The following CMTM5 variants were observed in gnomAD, a reference collection of about 807,000 sequenced individuals.
The protein encoded by CMTM5 is CKLF-like MARVEL transmembrane domain-containing protein 5.
CMTM5 carries 25 observed loss-of-function variants against 26.9 expected under a neutral mutation model. The ratio of observed to expected loss-of-function variants is 0.93; its 90% CI spans 0.68 to 1.30. CMTM5 has a LOEUF of 1.30. Among genes scored for constraint, CMTM5 ranks in the 50% most tolerant of loss-of-function variants. CMTM5 has a pLI of 0.00. For synonymous variants in CMTM5, 98 were observed against 115.5 expected (o/e 0.85, Z 0.97); for missense variants, 292 against 289.6 (o/e 1.01, Z -0.06).
Position 23,377,551 on chromosome 14 carries a change from TCCAC to T in CMTM5, c.126+177_126+180del. 6.3e-6 allele frequency: 4 copies of T among 638,032 alleles called. No homozygotes were observed. Among genetic ancestry groups the T allele is most frequent in the Non-Finnish European group, 9.9e-6 (4 of 405,982 alleles). The allele number at this position is 638,032 out of a possible 1,614,324, so 39.5% of individuals were successfully genotyped here. A position where few individuals can be genotyped will look rare whatever the true frequency, so the allele number is the denominator to read the frequency against. The stretch of plus-strand genomic sequence containing the variant: ...TCCTACTCTGCCTTCTTGCTGCCTC[TCCAC>T]CCGGAGACATTTACAGCAGGTTTCA... On this transcript the variant is annotated intron_variant, in intron 1 of 5. Transcript: ENST00000339180. This position sits in a 1 kb window ranked among gnomAD's most constrained non-coding sequence, Gnocchi z 4.6.
In CMTM5 at chr14:23,378,597, A is replaced by G; in HGVS notation, c.280-72A>G. ...TCCCCGAGCTTCTTTCCATTTCCAC[A>G]CCACAGCTGGGCTTTGTCCCATGCT... On this transcript the variant is annotated intron_variant, in intron 2 of 5. Transcript: ENST00000339180. The surrounding 1 kb of genome is among the most constrained non-coding windows in gnomAD (Gnocchi z 4.2). 4 of 1,605,968 alleles carry G rather than the reference A, an allele frequency of 2.5e-6. No individual in the cohort carries two copies. The highest frequency in any genetic ancestry group is 3.4e-6 in the Non-Finnish European group (4 of 1,173,692).
Position 23,377,086 on chromosome 14 carries a change from C to T in CMTM5, c.-166C>T, listed in dbSNP as rs1890588983. 1.1e-6 allele frequency: 1 copy of T among 912,064 alleles called. No individual in the cohort carries two copies. The highest frequency in any genetic ancestry group is 1.6e-6 in the Non-Finnish European group (1 of 612,682). The allele number at this position is 912,064 out of a possible 1,614,324, so 56.5% of individuals were successfully genotyped here. On this transcript the variant is annotated 5_prime_UTR_variant, in exon 1 of 6. Transcript: ENST00000339180. The surrounding 1 kb of genome is among the most constrained non-coding windows in gnomAD (Gnocchi z 4.6). Reference sequence around the variant, plus strand: ...GTGAGGGCCCATCTGGGCAAGGCCCCCAGCGCCTGCCTTCTCTCCCGGGGC... The same window carrying T: ...GTGAGGGCCCATCTGGGCAAGGCCCTCAGCGCCTGCCTTCTCTCCCGGGGC...
At position 23,379,370 on chromosome 14, in the gene CMTM5, C is replaced by G; in HGVS notation, c.645C>G (p.Pro215=). The change falls in exon 5 of 6, where the codon CCC becomes CCG. Residue 215 remains proline, a synonymous_variant. Transcript: ENST00000339180. ...AFKIYRTEMA[P]GASQGDQQ is the part of the protein sequence containing the mutation. ...AGATCTACCGGACTGAGATGGCACC[C>G]GGGGCCAGCCAGGGTGAGTGCCTGT... 1.9e-6 allele frequency: 3 copies of G among 1,614,146 alleles called. No individual in the cohort carries two copies. Among genetic ancestry groups the G allele is most frequent in the Non-Finnish European group, 2.5e-6 (3 of 1,180,018 alleles).
chr14:23,378,272 TC>T lies in CMTM5; in HGVS notation c.127-75del. On this transcript the variant is annotated intron_variant, in intron 1 of 5. Transcript: ENST00000339180. The surrounding 1 kb of genome is among the most constrained non-coding windows in gnomAD (Gnocchi z 4.2). The stretch of plus-strand genomic sequence containing the variant: ...TAGTAGGTGCCAGCCTAGGGGAGCT[TC>T]CAAGGAGGGGAAGGCAAAGCCCTGG... The T allele has an allele frequency of 6.5e-7, 1 of 1,540,302 alleles. No individual in the cohort carries two copies. The highest frequency in any genetic ancestry group is 8.8e-7 in the Non-Finnish European group (1 of 1,130,034).
In CMTM5 at chr14:23,377,223, A is replaced by G; in HGVS notation, c.-29A>G. On this transcript the variant is annotated 5_prime_UTR_variant, in exon 1 of 6. Coordinates refer to ENST00000339180, the MANE Select transcript of CMTM5 (RefSeq NM_001288746.2). The surrounding 1 kb of genome is among the most constrained non-coding windows in gnomAD (Gnocchi z 4.6). ...TTTCTCTTGCTGGGCTTTTGGCAGT[A>G]GGGGGCTGTGTTGGTGGGCCCTACG... is the stretch of plus-strand genomic sequence containing the variant. The G allele has an allele frequency of 6.2e-7, 1 of 1,607,728 alleles. No individual in the cohort carries two copies. Among genetic ancestry groups the G allele is most frequent in the Non-Finnish European group, 8.5e-7 (1 of 1,177,840 alleles).
rs1890586987 is a variant in CMTM5 at position 23,377,059 on chromosome 14, G to T, written c.-193G>T. 2 of 671,696 alleles carry T rather than the reference G, an allele frequency of 3.0e-6. No homozygotes were observed. The highest frequency in any genetic ancestry group is 4.9e-6 in the Non-Finnish European group (2 of 407,718). The allele number at this position is 671,696 out of a possible 1,614,324, so 41.6% of individuals were successfully genotyped here. On this transcript the variant is annotated 5_prime_UTR_variant, in exon 1 of 6. Transcript: ENST00000339180. This position sits in a 1 kb window ranked among gnomAD's most constrained non-coding sequence, Gnocchi z 4.6. ...AGCAGCAGAGGCACTCTGGGCAGCT[G>T]GGTGAGGGCCCATCTGGGCAAGGCC...
intron 5 of CMTM5, 37 bp from the exon 6 acceptor site, chr14:23,379,437 T>G (rs1420940144): frequency 6.2e-7 from 1 of 1,613,868 alleles, no homozygotes; most frequent in African/African-American, 1.3e-5. Flanking sequence ...TAGCTACCCA[T>G]CCTGATGTGG....
At position 23,379,630 on chromosome 14, in the gene CMTM5, G is replaced by C; in HGVS notation, c.*143G>C. On this transcript the variant is annotated 3_prime_UTR_variant, in exon 6 of 6. Transcript: ENST00000339180. ...CAGTCTGGCCTGAGACGTCACTGGG[G>C]ACTTATCTGTGGAGCCTGGTGCTCC... The C allele has an allele frequency of 7.2e-7, 1 of 1,395,418 alleles. No individual in the cohort carries two copies. Among genetic ancestry groups the C allele is most frequent in the Non-Finnish European group, 9.4e-7 (1 of 1,059,286 alleles). 86.4% of individuals were successfully genotyped at this position (1,395,418 alleles called of 1,614,324 possible). A position where few individuals can be genotyped will look rare whatever the true frequency, so the allele number is the denominator to read the frequency against.
At position 23,377,393 on chromosome 14, in the gene CMTM5, C is replaced by A; in HGVS notation, c.126+16C>A. On this transcript the variant is annotated intron_variant, in intron 1 of 5. Transcript: ENST00000339180. The surrounding 1 kb of genome is among the most constrained non-coding windows in gnomAD (Gnocchi z 4.6). ...AACCGAGCTGGTAACAGCTGCCTCC[C>A]AACCTGGTGCCTCCATCTCCCTGAC... is the stretch of plus-strand genomic sequence containing the variant. 1.9e-6 allele frequency: 3 copies of A among 1,555,296 alleles called. No individual in the cohort carries two copies. The highest frequency in any genetic ancestry group is 2.6e-6 in the Non-Finnish European group (3 of 1,149,372).
chr14:23,378,995 C>A lies in CMTM5; in HGVS notation c.481-36C>A. On this transcript the variant is annotated intron_variant, in intron 3 of 5. Transcript: ENST00000339180. This position sits in a 1 kb window ranked among gnomAD's most constrained non-coding sequence, Gnocchi z 4.2. ...ACTTCAGGGTAACGCCCCCTGCCTT[C>A]TGAGGTCCTGTTAACCCTGCACCCC... The A allele has an allele frequency of 6.2e-7, 1 of 1,611,918 alleles. No homozygotes were observed. Among genetic ancestry groups the A allele is most frequent in the Non-Finnish European group, 8.5e-7 (1 of 1,178,242 alleles).
Position 23,377,721 on chromosome 14 carries a change from A to C in CMTM5, c.126+344A>C. 2 of 242,794 alleles carry C rather than the reference A, an allele frequency of 8.2e-6. No homozygotes were observed. The highest frequency in any genetic ancestry group is 1.6e-5 in the Non-Finnish European group (2 of 126,560). The allele number at this position is 242,794 out of a possible 1,614,324, so 15.0% of individuals were successfully genotyped here. ...ACGTCCAAGAAGTCTAACTATCAAA[A>C]AGGGCAGACTTCCTGCAACTGCACT... On this transcript the variant is annotated intron_variant, in intron 1 of 5. Transcript: ENST00000339180. The surrounding 1 kb of genome is among the most constrained non-coding windows in gnomAD (Gnocchi z 4.6).
chr14:23,379,255 G>T (rs766783081), intron 4 of CMTM5, 44 bp from the exon 5 acceptor site: 1 of 1,612,232 alleles, frequency 6.2e-7, no homozygotes, highest in Non-Finnish European at 8.5e-7. Context: ...TAACCCAATG[G>T]CCCTATAGCC....
rs1309279063 is a variant in CMTM5, at chr14:23,379,329, GCCTAT to G, written c.605_609del (p.Ala202GlyfsTer9). The G allele has an allele frequency of 1.9e-6, 3 of 1,614,044 alleles. No homozygotes were observed. Among genetic ancestry groups the G allele is most frequent in the Non-Finnish European group, 2.5e-6 (3 of 1,179,994 alleles). On this transcript the variant is annotated frameshift_variant, in exon 5 of 6. Coordinates refer to ENST00000339180, the MANE Select transcript of CMTM5 (RefSeq NM_001288746.2). LOFTEE classifies it high-confidence loss of function. Reference sequence around the variant, plus strand: ...TGGCATCATCCTGGTTTCCATCTTTGCCTATGATGCCTTCAAGATCTACCGGACTG... The same window carrying G: ...TGGCATCATCCTGGTTTCCATCTTTGGATGCCTTCAAGATCTACCGGACTG...
Position 23,379,589 on chromosome 14 carries a change from C to T in CMTM5, c.*102C>T. Reference sequence around the variant, plus strand: ...CTAGCCCCCAGCCCGCCAAACCCCACCCCAGCCCTACACAGCAGTCTGGCC... The same window carrying T: ...CTAGCCCCCAGCCCGCCAAACCCCATCCCAGCCCTACACAGCAGTCTGGCC... On this transcript the variant is annotated 3_prime_UTR_variant, in exon 6 of 6. Coordinates refer to ENST00000339180, the MANE Select transcript of CMTM5 (RefSeq NM_001288746.2). 2 of 1,564,324 alleles carry T rather than the reference C, an allele frequency of 1.3e-6. No homozygotes were observed. Among genetic ancestry groups the T allele is most frequent in the Non-Finnish European group, 1.7e-6 (2 of 1,161,450 alleles).
At position 23,378,884 on chromosome 14, in the gene CMTM5, T is replaced by G. The variant is rs1247052906; in HGVS notation, c.480+15T>G. The G allele has an allele frequency of 1.4e-5, 23 of 1,612,596 alleles. No homozygotes were observed. The highest frequency in any genetic ancestry group is 1.9e-5 in the Non-Finnish European group (22 of 1,179,352). The stretch of plus-strand genomic sequence containing the variant: ...TGGGTAGCAGTGTGAGCGCTCTGTC[T>G]CTTGAATGTGCTTCATATTGTGTGA... On this transcript the variant is annotated intron_variant, in intron 3 of 5. Coordinates refer to ENST00000339180, the MANE Select transcript of CMTM5 (RefSeq NM_001288746.2). The surrounding 1 kb of genome is among the most constrained non-coding windows in gnomAD (Gnocchi z 4.2).
At chr14:23,377,007 A>G (rs538939063), upstream of CMTM5, 3 of 523,818 alleles carry the variant, frequency 5.7e-6, no homozygotes, top group African/African-American at 4.0e-5. The surrounding 1 kb of genome is among the most constrained non-coding windows in gnomAD (Gnocchi z 4.6). Flanking sequence ...GCCCCTCCCC[A>G]TGGGTCTCTA....
rs1367036332 is a variant in CMTM5 at position 23,377,343 on chromosome 14, C to G, written c.92C>G (p.Thr31Ser). The G allele has an allele frequency of 1.9e-6, 3 of 1,604,482 alleles. No individual in the cohort carries two copies. Among genetic ancestry groups the G allele is most frequent in the Admixed American group, 1.7e-5 (1 of 59,312 alleles). ...TTCGCGGTGGACAAGGCCTTCCTCA[C>G]CTCCCACAAGGGCATCCTGCTGGAA... ...QGFAVDKAFL[T>S]SHKGILLETE... Residue 31 changes from threonine to serine, a missense_variant, in exon 1 of 6, where the codon ACC (threonine) becomes AGC (serine). Thr to Ser is a moderately conservative substitution (Grantham distance 58). Transcript: ENST00000339180. This position sits in a 1 kb window ranked among gnomAD's most constrained non-coding sequence, Gnocchi z 4.6.
chr14:23,379,157 C>T (rs182773467), intron 4 of CMTM5, 34 bp downstream of exon 4: 2 of 1,607,748 alleles, frequency 1.2e-6, no homozygotes, highest in Non-Finnish European at 1.7e-6. Flanking sequence ...CTTAGCCCCT[C>T]AAGAGCTCAG....
Position 23,379,591 on chromosome 14 carries a change from C to G in CMTM5, c.*104C>G. ...AGCCCCCAGCCCGCCAAACCCCACC[C>G]CAGCCCTACACAGCAGTCTGGCCTG... On this transcript the variant is annotated 3_prime_UTR_variant, in exon 6 of 6. Transcript: ENST00000339180. The G allele has an allele frequency of 1.3e-6, 2 of 1,562,118 alleles. No homozygotes were observed. The highest frequency in any genetic ancestry group is 2.4e-5 in the East Asian group (1 of 42,400).
Sources: allele counts gnomAD v4.1 joint callset, GRCh38; gene constraint gnomAD v4.1.1; non-coding constraint Gnocchi (gnomAD v3.1); transcripts MANE v1.5; gene names NCBI Gene and HGNC (gene_info 2026-07-23, HGNC 2026-07-21).